PIK3C3: variants seen among roughly 807,000 people sequenced by gnomAD.
The protein encoded by PIK3C3 is PI3-kinase type 3.
In PIK3C3, 95 loss-of-function variants were observed where a neutral mutation model predicts 126.1. That is an observed-to-expected ratio of 0.75 (90% CI 0.64 to 0.89). PIK3C3 has a LOEUF of 0.89. Among genes scored for constraint, PIK3C3 ranks in the 40% least tolerant of loss-of-function variants. The probability of loss-of-function intolerance (pLI) is 0.00; values close to 1 mark genes in which losing one functional copy is unlikely to be tolerated. For missense variants in PIK3C3, 829 were observed against 1,063.2 expected (o/e 0.78, Z 3.06); for synonymous variants, 374 against 360.0 (o/e 1.04, Z -0.44).
At position 42,085,351 on chromosome 18, in the gene PIK3C3, A is replaced by G. The variant is rs1986377443; in HGVS notation, c.*4214A>G. 6.6e-6 allele frequency: 1 copy of G among 152,218 alleles called. No individual in the cohort carries two copies. Among genetic ancestry groups the G allele is most frequent in the Non-Finnish European group, 1.5e-5 (1 of 68,040 alleles). 9.4% of individuals were successfully genotyped at this position (152,218 alleles called of 1,614,324 possible). A position where few individuals can be genotyped will look rare whatever the true frequency, so the allele number is the denominator to read the frequency against. The stretch of plus-strand genomic sequence containing the variant: ...GTTTCTAAAACTTCATATACTTTAT[A>G]TGGAATATGAACAACTTTAATATGA... On this transcript the variant is annotated 3_prime_UTR_variant, in exon 25 of 25. Transcript: ENST00000262039.
At chr18:42,005,727 G>GAAGCGCCAT (rs1382531324) in intron 10 of PIK3C3, among the ~76,000 whole-genome samples, 1 of 151,640 alleles carries the variant, frequency 6.6e-6, no homozygotes, top group Non-Finnish European at 1.5e-5. Flanking sequence ...TGAATTAGTG[G>GAAGCGCCAT]TATCTGAATT....
intron 2 of PIK3C3, among the ~76,000 whole-genome samples, chr18:41,959,010 A>G (rs1383101004): frequency 1.3e-5 from 2 of 152,214 alleles, no homozygotes; most frequent in African/African-American, 4.8e-5. Flanking sequence ...ACAATGGAGC[A>G]GAATTCCTTA....
At chr18:41,965,341 A>G (rs530946175) in intron 3 of PIK3C3, among the ~76,000 whole-genome samples, 1 of 152,206 alleles carries the variant, frequency 6.6e-6, no homozygotes, top group East Asian at 1.9e-4. Flanking sequence ...TCTGACTAGG[A>G]TGTAGTTGTG....
chr18:41,962,529 C>G lies in PIK3C3; in HGVS notation c.298C>G (p.Leu100Val). Residue 100 changes from leucine (L) to valine (V), a missense_variant, in exon 3 of 25, where the codon CTG becomes GTG. Transcript: ENST00000262039. ...WLKLPVKYPDLPRNAQVALTI... is the reference protein window; with the variant it reads ...WLKLPVKYPDVPRNAQVALTI... ...GAAACTACCAGTAAAATACCCTGAC[C>G]TGCCCAGGAATGCCCAAGTGGCCCT... 6.2e-7 allele frequency: 1 copy of G among 1,612,654 alleles called. No homozygotes were observed. Among genetic ancestry groups the G allele is most frequent in the Non-Finnish European group, 8.5e-7 (1 of 1,179,048 alleles).
At chr18:42,054,203 T>C (rs1381340511) in intron 21 of PIK3C3, among the ~76,000 whole-genome samples, 2 of 116,358 alleles carry the variant, frequency 1.7e-5, no homozygotes, top group African/African-American at 3.5e-5. Flanking sequence ...AAGGGGAATT[T>C]ATTAAGTATT....
intron 21 of PIK3C3, chr18:42,050,524 C>T (rs535359505): frequency 8.5e-5 from 13 of 152,252 alleles, no homozygotes; most frequent in Admixed American, 5.9e-4. Flanking sequence ...TGTTTCTCAC[C>T]TCATTTTTCC....
chr18:42,007,537 CTT>C (rs1982611284), intron 10 of PIK3C3, among the ~76,000 whole-genome samples: 2 of 152,188 alleles, frequency 1.3e-5, no homozygotes, highest in East Asian at 1.9e-4. Context: ...TATTCACTCA[CTT>C]ATCAATTTTA....
chr18:42,077,772 T>C (rs1986084035), intron 24 of PIK3C3, among the ~76,000 whole-genome samples: 1 of 152,244 alleles, frequency 6.6e-6, no homozygotes, highest in Non-Finnish European at 1.5e-5. Flanking sequence ...ATCTCAAATG[T>C]TCTCAATGGC....
intron 24 of PIK3C3, among the ~76,000 whole-genome samples, chr18:42,074,255 A>C (rs1985890319): frequency 6.6e-6 from 1 of 152,210 alleles, no homozygotes; most frequent in Admixed American, 6.5e-5. Context: ...TAGCAAAGCT[A>C]GTTCTGTTTT....
intron 2 of PIK3C3, 72 bp from the exon 3 acceptor site, chr18:41,962,417 G>C (rs1381050664): frequency 4.0e-6 from 5 of 1,256,180 alleles, no homozygotes; most frequent in Non-Finnish European, 5.2e-6. Context: ...AAAACTTTTT[G>C]TGTGGTTTGT....
chr18:42,073,661 T>G (rs1223876145), intron 24 of PIK3C3, among the ~76,000 whole-genome samples: 2 of 152,170 alleles, frequency 1.3e-5, no homozygotes, highest in African/African-American at 4.8e-5. Flanking sequence ...CTTCTGATTT[T>G]GGACTTTTTA....
chr18:41,972,810 C>G, intron 4 of PIK3C3, among the ~76,000 whole-genome samples: 1 of 152,076 alleles, frequency 6.6e-6, no homozygotes, highest in East Asian at 1.9e-4. Flanking sequence ...ATATTCCCCT[C>G]TTCTTGATAT....
intron 21 of PIK3C3, 86 bp downstream of exon 21, chr18:42,049,691 C>A (rs917255560): frequency 4.5e-5 from 49 of 1,085,998 alleles, no homozygotes; most frequent in Middle Eastern, 4.0e-4. Flanking sequence ...AGATAAGTTG[C>A]GGCCTGGCGC....
chr18:42,078,194 G>A (rs1285204255), intron 24 of PIK3C3, among the ~76,000 whole-genome samples: 1 of 151,430 alleles, frequency 6.6e-6, no homozygotes, highest in African/African-American at 2.4e-5. Flanking sequence ...TGGCTAACAA[G>A]GTGAAACCCC....
Position 42,064,789 on chromosome 18 carries a change from A to G in PIK3C3, c.2482A>G (p.Ile828Val). ...NLFSLMVDAN[I>V]PDIALEPDKT... is the part of the protein sequence containing the mutation. The stretch of plus-strand genomic sequence containing the variant: ...GTTTTCCTTGATGGTTGATGCAAAC[A>G]TTCCAGATATTGCACTTGAACCAGA... The change falls in exon 23 of 25, where the codon ATT (isoleucine) becomes GTT (valine). Residue 828 changes from isoleucine (I) to valine (V), a missense_variant. Transcript: ENST00000262039. 1 of 1,605,482 alleles carries G rather than the reference A, an allele frequency of 6.2e-7. No homozygotes were observed. Among genetic ancestry groups the G allele is most frequent in the Non-Finnish European group, 8.5e-7 (1 of 1,172,302 alleles).
chr18:42,055,596 A>T (rs547204490), intron 21 of PIK3C3, among the ~76,000 whole-genome samples: 1 of 152,222 alleles, frequency 6.6e-6, no homozygotes, highest in South Asian at 2.1e-4. Flanking sequence ...ATATATAAAA[A>T]ATTGAAGAGT....
chr18:41,998,403 A>T (rs1332116840), intron 9 of PIK3C3, among the ~76,000 whole-genome samples: 1 of 152,186 alleles, frequency 6.6e-6, no homozygotes, highest in Non-Finnish European at 1.5e-5. Context: ...GTGTCGTCTT[A>T]AATACACAGC....
At chr18:42,066,309 G>T (rs1240721104) in intron 23 of PIK3C3, among the ~76,000 whole-genome samples, 1 of 152,172 alleles carries the variant, frequency 6.6e-6, no homozygotes, top group Non-Finnish European at 1.5e-5. Context: ...CTGAGCTGGG[G>T]CTATGGATTG....
intron 10 of PIK3C3, among the ~76,000 whole-genome samples, chr18:42,010,312 A>G (rs1455511440): frequency 6.6e-6 from 1 of 152,016 alleles, no homozygotes; most frequent in Admixed American, 6.6e-5. Context: ...CTGCACCTCT[A>G]ATTCTAGTTT....
Sources: gnomAD v4.1 joint callset for allele counts (sites outside exome capture counted in the v4.1 genomes callset) on GRCh38, gnomAD v4.1.1 for gene constraint, MANE v1.5 for transcripts, NCBI Gene and HGNC (gene_info 2026-07-23, HGNC 2026-07-21) for gene names.